PDIA5: variants seen among roughly 807,000 people sequenced by gnomAD.
The protein encoded by PDIA5 is protein disulfide-isomerase A5.
A neutral mutation model predicts 77.6 loss-of-function variants in PDIA5; 58 were observed. That is an observed-to-expected ratio of 0.75 (90% confidence interval 0.61 to 0.93). PDIA5 has a LOEUF of 0.93. Among genes scored for constraint, PDIA5 ranks in the 40% least tolerant of loss-of-function variants. The pLI is 0.00. For missense variants in PDIA5, 630 were observed against 647.7 expected (o/e 0.97, Z 0.30); for synonymous variants, 250 against 252.1 (o/e 0.99, Z 0.08).
At chr3:123,120,412 T>G (rs1353085648) in intron 8 of PDIA5, among the ~76,000 whole-genome samples, 2 of 152,218 alleles carry the variant, frequency 1.3e-5, no homozygotes, top group Admixed American at 1.3e-4. Context: ...GAAGAAGCCC[T>G]GTACCCCACA....
At chr3:123,142,744 A>G (rs749935264) in intron 11 of PDIA5, among the ~76,000 whole-genome samples, 2 of 152,158 alleles carry the variant, frequency 1.3e-5, no homozygotes, top group Non-Finnish European at 2.9e-5. Context: ...GTCCCAGAGG[A>G]GCCCTTAGGA....
At chr3:123,077,188 A>G (rs1052771135) in intron 1 of PDIA5, among the ~76,000 whole-genome samples, 3 of 152,158 alleles carry the variant, frequency 2.0e-5, no homozygotes, top group Admixed American at 1.3e-4. Flanking sequence ...CAGCTCTCTT[A>G]CTTGCTGTGT....
intron 13 of PDIA5, among the ~76,000 whole-genome samples, chr3:123,150,022 A>G (rs1257371683): frequency 1.3e-5 from 2 of 152,172 alleles, no homozygotes; most frequent in Non-Finnish European, 2.9e-5. Context: ...TGGCTCCTTA[A>G]TGGGCTCCTC....
At chr3:123,073,324 A>G (rs943237368) in intron 1 of PDIA5, among the ~76,000 whole-genome samples, 2 of 152,180 alleles carry the variant, frequency 1.3e-5, no homozygotes, top group Admixed American at 6.5e-5. Context: ...GAAGGCATAA[A>G]GAGATAGGTG....
At chr3:123,131,199 G>A (rs767866086) in intron 11 of PDIA5, among the ~76,000 whole-genome samples, 1 of 152,158 alleles carries the variant, frequency 6.6e-6, no homozygotes, top group African/African-American at 2.4e-5. Flanking sequence ...GAGCCTGGGA[G>A]GTTGAGGCTG....
intron 5 of PDIA5, among the ~76,000 whole-genome samples, chr3:123,104,210 A>G (rs2717237): frequency 0.77 from 117,515 of 152,044 alleles, 45,473 homozygotes; most frequent in Middle Eastern, 0.79. Context: ...GTGGCTGAGC[A>G]TCGTACGGGG....
At chr3:123,094,137 G>A (rs983286331) in intron 3 of PDIA5, among the ~76,000 whole-genome samples, 1 of 152,258 alleles carries the variant, frequency 6.6e-6, no homozygotes, top group Non-Finnish European at 1.5e-5. Context: ...TAAAACTGGG[G>A]CAGGGAAGCA....
intron 1 of PDIA5, among the ~76,000 whole-genome samples, chr3:123,069,224 C>T (rs914895142): frequency 3.9e-5 from 6 of 152,028 alleles, no homozygotes; most frequent in African/African-American, 7.2e-5. Flanking sequence ...TCCTGGAAGC[C>T]GGTTGGGTTT....
At chr3:123,161,810 G>C (rs1001088542) in intron 16 of PDIA5, 70 bp from the exon 17 acceptor site, 2 of 1,008,368 alleles carry the variant, frequency 2.0e-6, no homozygotes, top group Non-Finnish European at 1.6e-6. Context: ...GGGGGTGTGG[G>C]GAGAGAGAGT....
At chr3:123,159,238 C>G (rs752046606) in intron 15 of PDIA5, among the ~76,000 whole-genome samples, 2 of 152,250 alleles carry the variant, frequency 1.3e-5, no homozygotes, top group Non-Finnish European at 2.9e-5. Context: ...CAGCCTCTGG[C>G]TGCAGGGAAG....
intron 10 of PDIA5, among the ~76,000 whole-genome samples, chr3:123,129,208 A>T (rs770436496): frequency 2.0e-5 from 3 of 152,228 alleles, no homozygotes; most frequent in Non-Finnish European, 4.4e-5. Context: ...AGATTGCATG[A>T]TGTTTGTCTA....
chr3:123,076,114 AG>A (rs1261264333), intron 1 of PDIA5, among the ~76,000 whole-genome samples: 1 of 152,068 alleles, frequency 6.6e-6, no homozygotes, highest in African/African-American at 2.4e-5. Flanking sequence ...CTGGATTGGA[AG>A]GGACAGCAGA....
intron 1 of PDIA5, among the ~76,000 whole-genome samples, chr3:123,085,536 C>T (rs371937427): frequency 1.4e-4 from 22 of 152,228 alleles, no homozygotes; most frequent in African/African-American, 3.4e-4. Context: ...AGATGACCTG[C>T]GGGATGGACT....
At chr3:123,116,015 G>C (rs1258353551) in intron 7 of PDIA5, among the ~76,000 whole-genome samples, 1 of 152,270 alleles carries the variant, frequency 6.6e-6, no homozygotes, top group African/African-American at 2.4e-5. Context: ...CTGCTGGGCA[G>C]TGCCTTGTTT....
intron 1 of PDIA5, among the ~76,000 whole-genome samples, chr3:123,068,881 G>C (rs1449437761): frequency 6.6e-6 from 1 of 152,158 alleles, no homozygotes; most frequent in African/African-American, 2.4e-5. Flanking sequence ...GGAGCCATAC[G>C]TTGATTTAAA....
rs993341151 is a variant in PDIA5, at chr3:123,154,975, C to G, written c.1278C>G (p.Cys426Trp). 1 of 1,603,974 alleles carries G rather than the reference C, an allele frequency of 6.2e-7. No individual in the cohort carries two copies. The highest frequency in any genetic ancestry group is 1.3e-5 in the African/African-American group (1 of 74,848). The change falls in exon 15 of 17, where the codon TGC becomes TGG. Residue 426 changes from cysteine to tryptophan, a missense_variant. Coordinates refer to ENST00000316218, the MANE Select transcript of PDIA5 (RefSeq NM_006810.4). ...HTLVMFYAPW[C>W]PHCKKVIPHF... is the part of the protein sequence containing the mutation. ...CTCTCTTCCCCTCTCACACAGGGTG[C>G]CCACACTGTAAGAAGGTCATTCCGC... is the stretch of plus-strand genomic sequence containing the variant.
intron 3 of PDIA5, among the ~76,000 whole-genome samples, chr3:123,100,292 C>A (rs541490769): frequency 6.6e-6 from 1 of 152,234 alleles, no homozygotes; most frequent in African/African-American, 2.4e-5. Context: ...AGAGTCCCTG[C>A]GGGACGGGGC....
intron 11 of PDIA5, among the ~76,000 whole-genome samples, chr3:123,139,067 G>A (rs1245243755): frequency 6.6e-6 from 1 of 152,212 alleles, no homozygotes; most frequent in Non-Finnish European, 1.5e-5. Context: ...GCATGATCAA[G>A]GAGTTGATGT....
At chr3:123,092,521 G>A (rs1316123789) in intron 3 of PDIA5, 79 bp downstream of exon 3, 2 of 1,001,048 alleles carry the variant, frequency 2.0e-6, no homozygotes, top group East Asian at 4.8e-5. Context: ...GACAGGAACT[G>A]TCTCTTGATT....
Sources: allele counts gnomAD v4.1 joint callset (sites outside exome capture counted in the v4.1 genomes callset), GRCh38; gene constraint gnomAD v4.1.1; transcripts MANE v1.5; gene names NCBI Gene and HGNC (gene_info 2026-07-23, HGNC 2026-07-21).